STRN: variants seen among roughly 807,000 people sequenced by gnomAD.
The protein encoded by STRN is striatin, also known as protein phosphatase 2 regulatory subunit B'''alpha.
In STRN, 53 loss-of-function variants were observed where a neutral mutation model predicts 96.3. The observed-to-expected ratio is 0.55, with a 90% CI of 0.44 to 0.69. The LOEUF is 0.69. Ranked by LOEUF, STRN falls within the 30% of genes least tolerant of loss-of-function variation. The probability of loss-of-function intolerance (pLI) is 0.00; values close to 1 mark genes in which losing one functional copy is unlikely to be tolerated. For missense variants in STRN, 987 were observed against 963.9 expected (o/e 1.02, Z -0.32); for synonymous variants, 428 against 355.9 (o/e 1.20, Z -2.28).
intron 1 of STRN, among the ~76,000 whole-genome samples, chr2:36,934,321 A>G (rs1670648386): frequency 6.6e-6 from 1 of 152,230 alleles, no homozygotes; most frequent in Non-Finnish European, 1.5e-5. Flanking sequence ...CCTTCATTAA[A>G]GTTGAAAAGG....
chr2:36,925,502 T>A (rs1670385708), intron 1 of STRN, among the ~76,000 whole-genome samples: 1 of 152,000 alleles, frequency 6.6e-6, no homozygotes, highest in Non-Finnish European at 1.5e-5. Flanking sequence ...TATTGCCGGA[T>A]GCGGTGGCTC....
chr2:36,891,126 T>C (rs1669385297), intron 7 of STRN, among the ~76,000 whole-genome samples: 1 of 152,238 alleles, frequency 6.6e-6, no homozygotes, highest in African/African-American at 2.4e-5. Flanking sequence ...GCTCAAAAAG[T>C]TTCAGAATTT....
At chr2:36,935,344 ATTATT>A (rs920737413) in intron 1 of STRN, among the ~76,000 whole-genome samples, 1 of 152,246 alleles carries the variant, frequency 6.6e-6, no homozygotes, top group African/African-American at 2.4e-5. Context: ...GTATGTACAT[ATTATT>A]TTAACACTTT....
chr2:36,954,845 G>C (rs538026394), intron 1 of STRN, among the ~76,000 whole-genome samples: 1 of 151,972 alleles, frequency 6.6e-6, no homozygotes, highest in Non-Finnish European at 1.5e-5. Flanking sequence ...CACCATGTTA[G>C]CTGGGCTGGT....
intron 4 of STRN, among the ~76,000 whole-genome samples, chr2:36,904,720 C>T (rs111777694): frequency 0.25 from 38,202 of 151,882 alleles, 5,307 homozygotes; most frequent in Middle Eastern, 0.31. Flanking sequence ...CCCAGCTACC[C>T]GGGAGGCTGA....
Position 36,866,687 on chromosome 2 carries a change from AATTT to A in STRN, c.1547+1123_1547+1126del, listed in dbSNP as rs1443409057. On this transcript the variant is annotated intron_variant, in intron 12 of 17. Coordinates refer to ENST00000263918, the MANE Select transcript of STRN (RefSeq NM_003162.4). The stretch of plus-strand genomic sequence containing the variant: ...ATAAATCTTTTTGACAGTCTCTAAG[AATTT>A]ATTAATCTGGGTGCTCCTATGTTGG... 3.9e-5 allele frequency among the ~76,000 whole-genome samples: 6 copies of A among 152,238 alleles called. No individual in the cohort carries two copies. The East Asian group carries it at 1.2e-3, about 29-fold the overall frequency.
At chr2:36,921,999 T>C (rs561227092) in intron 2 of STRN, among the ~76,000 whole-genome samples, 2 of 152,326 alleles carry the variant, frequency 1.3e-5, no homozygotes, top group East Asian at 3.9e-4. Flanking sequence ...GTTACATTTC[T>C]TTAATTTGGT....
At chr2:36,914,646 G>A (rs1193349845) in intron 3 of STRN, among the ~76,000 whole-genome samples, 2 of 152,098 alleles carry the variant, frequency 1.3e-5, no homozygotes, top group Non-Finnish European at 2.9e-5. Flanking sequence ...CTATAAAATT[G>A]GCAGTACATT....
intron 1 of STRN, among the ~76,000 whole-genome samples, chr2:36,937,100 T>C (rs13411242): frequency 0.038 from 5,844 of 152,030 alleles, 135 homozygotes; most frequent in African/African-American, 0.071. Context: ...TCCCAGCACT[T>C]TGGGAGGCCA....
intron 10 of STRN, among the ~76,000 whole-genome samples, chr2:36,875,532 T>C (rs6739553): frequency 0.046 from 6,353 of 137,444 alleles, 260 homozygotes; most frequent in East Asian, 0.13. Context: ...AAAAAAAAGA[T>C]TGAATGCTCC....
intron 1 of STRN, among the ~76,000 whole-genome samples, chr2:36,962,300 C>G (rs983924716): frequency 1.3e-5 from 2 of 152,184 alleles, no homozygotes; most frequent in Non-Finnish European, 2.9e-5. Context: ...ATCTTGCCAC[C>G]TTTTTCATAC....
At chr2:36,894,418 A>G (rs891025439) in intron 6 of STRN, among the ~76,000 whole-genome samples, 1 of 152,222 alleles carries the variant, frequency 6.6e-6, no homozygotes, top group African/African-American at 2.4e-5. Flanking sequence ...CTTTCAGAGT[A>G]CATCTAACTT....
At chr2:36,897,898 C>T (rs1669587966) in intron 6 of STRN, among the ~76,000 whole-genome samples, 1 of 151,914 alleles carries the variant, frequency 6.6e-6, no homozygotes, top group Non-Finnish European at 1.5e-5. Context: ...GCTATGTTGC[C>T]TAGGCTGGTC....
At chr2:36,850,437 C>T (rs996390620) in intron 16 of STRN, among the ~76,000 whole-genome samples, 5 of 152,224 alleles carry the variant, frequency 3.3e-5, no homozygotes, top group Admixed American at 6.5e-5. Flanking sequence ...GGCAAATCTC[C>T]ATGCACAATT....
At chr2:36,936,221 G>A (rs1201901138) in intron 1 of STRN, among the ~76,000 whole-genome samples, 1 of 152,116 alleles carries the variant, frequency 6.6e-6, no homozygotes, top group African/African-American at 2.4e-5. Context: ...TCAGTTGTCT[G>A]AGACACCATT....
At chr2:36,913,873 A>T (rs954653182) in intron 3 of STRN, among the ~76,000 whole-genome samples, 3 of 152,216 alleles carry the variant, frequency 2.0e-5, no homozygotes, top group Non-Finnish European at 4.4e-5. Context: ...ACCATAGAGA[A>T]ATTAAGTAGG....
intron 8 of STRN, 130 bp from the exon 9 acceptor site, chr2:36,884,205 TA>T: frequency 1.2e-6 from 1 of 811,728 alleles, no homozygotes; most frequent in Non-Finnish European, 1.7e-6. Context: ...TCTACTAGAT[TA>T]ATAAGAATTA....
chr2:36,861,338 T>C (rs1372531894), intron 12 of STRN, 85 bp from the exon 13 acceptor site: 1 of 1,516,416 alleles, frequency 6.6e-7, no homozygotes, highest in Non-Finnish European at 8.9e-7. Flanking sequence ...AATGTTTAAT[T>C]ACCCAAATGG....
intron 9 of STRN, among the ~76,000 whole-genome samples, chr2:36,879,437 T>A (rs925822803): frequency 6.6e-6 from 1 of 152,248 alleles, no homozygotes. Flanking sequence ...AAGATGTCAG[T>A]TTTACTTTGT....
Sources: allele counts gnomAD v4.1 joint callset (sites outside exome capture counted in the v4.1 genomes callset), GRCh38; gene constraint gnomAD v4.1.1; transcripts MANE v1.5; gene names NCBI Gene and HGNC (gene_info 2026-07-23, HGNC 2026-07-21).